EDIL3: variants seen among roughly 807,000 people sequenced by gnomAD.
EDIL3 encodes the protein EGF like and discoidin domains 3, also known as EGF-like repeat and discoidin I-like domain-containing protein 3.
EDIL3 carries 37 observed loss-of-function variants against 67.4 expected under a neutral mutation model. That is an observed-to-expected ratio of 0.55 (90% CI 0.42 to 0.72). The LOEUF (loss-of-function observed/expected upper bound fraction) is 0.72, where lower values mean the gene tolerates loss of function less well. EDIL3 is among the 30% of genes least tolerant of loss of function. The probability of loss-of-function intolerance (pLI) is 0.00; values close to 1 mark genes in which losing one functional copy is unlikely to be tolerated. For missense variants in EDIL3, 527 were observed against 586.3 expected, an observed-to-expected ratio of 0.90 and a Z score of 1.04; for synonymous variants, 195 against 196.3, an observed-to-expected ratio of 0.99 and a Z score of 0.05.
At chr5:84,046,203 G>A (rs549574460) in intron 9 of EDIL3, among the ~76,000 whole-genome samples, 1 of 152,290 alleles carries the variant, frequency 6.6e-6, no homozygotes, top group South Asian at 2.1e-4. Flanking sequence ...AGCACTGGAA[G>A]GGATATACGA....
At chr5:84,036,126 T>C in intron 9 of EDIL3, among the ~76,000 whole-genome samples, 1 of 152,314 alleles carries the variant, frequency 6.6e-6, no homozygotes, top group African/African-American at 2.4e-5. Flanking sequence ...ATTTGTGCCA[T>C]TCCCTCCTGA....
intron 3 of EDIL3, among the ~76,000 whole-genome samples, chr5:84,199,858 A>G (rs1435413171): frequency 2.6e-5 from 4 of 152,072 alleles, no homozygotes; most frequent in Admixed American, 2.6e-4. Context: ...TATGGAGGAA[A>G]GCAGGAGCCT....
chr5:84,007,391 A>G (rs1477608304), intron 9 of EDIL3, among the ~76,000 whole-genome samples: 1 of 152,160 alleles, frequency 6.6e-6, no homozygotes, highest in African/African-American at 2.4e-5. Flanking sequence ...GGGATTAATA[A>G]CCAGAATACA....
intron 1 of EDIL3, among the ~76,000 whole-genome samples, chr5:84,306,392 C>T (rs1009970604): frequency 6.6e-6 from 1 of 152,136 alleles, no homozygotes; most frequent in African/African-American, 2.4e-5. Flanking sequence ...AAAAGTAGGA[C>T]ACACTTTATT....
chr5:84,345,705 T>C (rs1319617115), intron 1 of EDIL3, among the ~76,000 whole-genome samples: 1 of 152,196 alleles, frequency 6.6e-6, no homozygotes, highest in Non-Finnish European at 1.5e-5. Flanking sequence ...GGAAAAAGTA[T>C]ATTTATGCAT....
chr5:84,194,172 G>C lies in EDIL3; in HGVS notation c.227-13651C>G, dbSNP rs567626413. Among the ~76,000 whole-genome samples, 7 of 151,966 alleles carry C rather than the reference G, an allele frequency of 4.6e-5. 1 individual carries two copies. The South Asian group carries it at 1.5e-3, about 32-fold the overall frequency. ...AAAATGAAGGAAAGACAGTAAAAGA[G>C]TACACTGAGAAATTATACATGTTTT... On this transcript the variant is annotated intron_variant, in intron 3 of 10. Coordinates refer to ENST00000296591, the MANE Select transcript of EDIL3 (RefSeq NM_005711.5).
At chr5:83,964,883 A>G (rs1744663851) in intron 9 of EDIL3, among the ~76,000 whole-genome samples, 1 of 152,064 alleles carries the variant, frequency 6.6e-6, no homozygotes, top group Non-Finnish European at 1.5e-5. Flanking sequence ...TGGCAAAACT[A>G]TGATATCCTG....
chr5:84,372,894 C>T (rs775369487), intron 1 of EDIL3, among the ~76,000 whole-genome samples: 1 of 152,106 alleles, frequency 6.6e-6, no homozygotes, highest in Admixed American at 6.6e-5. Context: ...AGGATGAAGA[C>T]AGTCAAAGAG....
At chr5:84,332,840 G>A (rs973115130) in intron 1 of EDIL3, among the ~76,000 whole-genome samples, 1 of 152,162 alleles carries the variant, frequency 6.6e-6, no homozygotes, top group Admixed American at 6.6e-5. Flanking sequence ...TATTTCATTT[G>A]TTTAATATCA....
intron 9 of EDIL3, among the ~76,000 whole-genome samples, chr5:84,045,568 T>C (rs756519088): frequency 6.6e-6 from 1 of 152,210 alleles, no homozygotes; most frequent in Non-Finnish European, 1.5e-5. Flanking sequence ...AGAAAGTTAT[T>C]ACCTAGAAGC....
chr5:84,208,938 C>A (rs567369496), intron 3 of EDIL3, among the ~76,000 whole-genome samples: 1 of 151,992 alleles, frequency 6.6e-6, no homozygotes, highest in Non-Finnish European at 1.5e-5. Context: ...ATGTTTATTG[C>A]GGCATTATTC....
intron 1 of EDIL3, among the ~76,000 whole-genome samples, chr5:84,303,827 T>TGTGA (rs1746209962): frequency 6.8e-6 from 1 of 146,338 alleles, no homozygotes; most frequent in African/African-American, 2.6e-5. Flanking sequence ...TGTGTGTGTG[T>TGTGA]GTGTGTGTGT....
intron 9 of EDIL3, among the ~76,000 whole-genome samples, chr5:83,993,919 T>C (rs1580269831): frequency 6.6e-6 from 1 of 152,136 alleles, no homozygotes; most frequent in Admixed American, 6.6e-5. Flanking sequence ...AAACAACCAA[T>C]TTAAAATATG....
intron 1 of EDIL3, among the ~76,000 whole-genome samples, chr5:84,291,931 GCTCCAA>G (rs1745933051): frequency 6.6e-6 from 1 of 150,618 alleles, no homozygotes; most frequent in Non-Finnish European, 1.5e-5. Context: ...TATTTTTGTA[GCTCCAA>G]CTCCAACATA....
intron 1 of EDIL3, among the ~76,000 whole-genome samples, chr5:84,364,368 A>G (rs1173171636): frequency 1.3e-5 from 2 of 152,210 alleles, no homozygotes; most frequent in Admixed American, 6.5e-5. Flanking sequence ...TTTGATACCT[A>G]AACGAATTCA....
chr5:84,043,234 T>C (rs938018477), intron 9 of EDIL3, among the ~76,000 whole-genome samples: 10 of 152,222 alleles, frequency 6.6e-5, no homozygotes, highest in African/African-American at 2.4e-4. Context: ...TTACTTTCCT[T>C]GCTTAGAGTG....
At chr5:84,327,213 C>T (rs1746780565) in intron 1 of EDIL3, among the ~76,000 whole-genome samples, 1 of 151,922 alleles carries the variant, frequency 6.6e-6, no homozygotes, top group Non-Finnish European at 1.5e-5. Flanking sequence ...AGATCCCATG[C>T]TTTATTCATC....
intron 9 of EDIL3, among the ~76,000 whole-genome samples, chr5:84,013,624 A>T (rs1745553212): frequency 6.6e-6 from 1 of 152,170 alleles, no homozygotes; most frequent in Non-Finnish European, 1.5e-5. Context: ...ATTGAGTGAC[A>T]GCTATGTGTT....
chr5:84,006,132 G>A (rs959688089), intron 9 of EDIL3, among the ~76,000 whole-genome samples: 4 of 148,264 alleles, frequency 2.7e-5, no homozygotes, highest in Admixed American at 6.7e-5. Flanking sequence ...AGGAATAAGG[G>A]AGGTGAAAGA....
Sources: gnomAD v4.1 joint callset for allele counts (sites outside exome capture counted in the v4.1 genomes callset) on GRCh38, gnomAD v4.1.1 for gene constraint, MANE v1.5 for transcripts, NCBI Gene and HGNC (gene_info 2026-07-23, HGNC 2026-07-21) for gene names.